Variants in KLHL20 observed in about 807,000 individuals in gnomAD.
KLHL20 encodes kelch like family member 20, also known as kelch-like protein 20.
A neutral mutation model predicts 69.5 loss-of-function variants in KLHL20; 29 were observed. That is an observed-to-expected ratio of 0.42 (90% confidence interval 0.31 to 0.57). KLHL20 has a LOEUF of 0.57. KLHL20 is among the 20% of genes least tolerant of loss of function. KLHL20 has a pLI of 0.18. For synonymous variants in KLHL20, 253 were observed against 265.2 expected, an observed-to-expected ratio of 0.95 and a Z score of 0.45; for missense variants, 419 against 776.0, an observed-to-expected ratio of 0.54 and a Z score of 5.47.
At chr1:173,784,092 AC>A (rs1220829779) in intron 11 of KLHL20, among the ~76,000 whole-genome samples, 1 of 152,168 alleles carries the variant, frequency 6.6e-6, no homozygotes, top group African/African-American at 2.4e-5. Context: ...ACAAAACAAA[AC>A]AACAAAAAAG....
At chr1:173,735,708 A>G (rs1672497928) in intron 3 of KLHL20, among the ~76,000 whole-genome samples, 1 of 152,090 alleles carries the variant, frequency 6.6e-6, no homozygotes, top group South Asian at 2.1e-4. Flanking sequence ...CCACCCGAGC[A>G]GTGTACACCG....
chr1:173,716,566 CTT>C (rs1367118485), intron 2 of KLHL20, among the ~76,000 whole-genome samples: 3 of 152,070 alleles, frequency 2.0e-5, no homozygotes, highest in Non-Finnish European at 4.4e-5. Flanking sequence ...GACATAATAA[CTT>C]AGTCCATAGA....
At chr1:173,725,050 CTGG>C (rs918133254) in intron 2 of KLHL20, among the ~76,000 whole-genome samples, 3 of 151,444 alleles carry the variant, frequency 2.0e-5, no homozygotes, top group Non-Finnish European at 2.9e-5. Context: ...TGATATTTCA[CTGG>C]TGAAGTTTTT....
intron 10 of KLHL20, among the ~76,000 whole-genome samples, chr1:173,777,580 G>C (rs1444119440): frequency 6.6e-6 from 1 of 152,134 alleles, no homozygotes; most frequent in African/African-American, 2.4e-5. Flanking sequence ...GTTGAGGTAT[G>C]TTCCCTCTGT....
At chr1:173,743,102 G>T (rs574472620) in intron 3 of KLHL20, among the ~76,000 whole-genome samples, 8 of 126,074 alleles carry the variant, frequency 6.3e-5, no homozygotes, top group Non-Finnish European at 1.1e-4. Context: ...TAAGCATAGG[G>T]TATAATAAGG....
At chr1:173,721,715 G>T (rs1391791756) in intron 2 of KLHL20, among the ~76,000 whole-genome samples, 4 of 152,208 alleles carry the variant, frequency 2.6e-5, no homozygotes, top group African/African-American at 9.6e-5. Context: ...AAATAAAGAG[G>T]TTAATAGCTT....
chr1:173,760,641 T>G (rs1044592282), intron 7 of KLHL20, among the ~76,000 whole-genome samples: 18 of 152,210 alleles, frequency 1.2e-4, no homozygotes, highest in African/African-American at 4.3e-4. Flanking sequence ...GAACGAAAGA[T>G]AAGCCGTTTT....
rs1483770673 is a variant in KLHL20, at chr1:173,751,748, A to T, written c.598-16A>T. On this transcript the variant is annotated splice_polypyrimidine_tract_variant and intron_variant, in intron 3 of 11. Transcript: ENST00000209884. ...GATCACAGGATTTTTTTTTCTTCTT[A>T]CCTAACTTTGAACAGGTAATGGAGA... 5 of 1,609,238 alleles carry T rather than the reference A, an allele frequency of 3.1e-6. No homozygotes were observed. In the Admixed American group the frequency reaches 5.1e-5, roughly 16 times the overall value.
intron 4 of KLHL20, 46 bp from the exon 5 acceptor site, chr1:173,753,167 A>C (rs201727987): frequency 0.011 from 10,528 of 976,792 alleles, no homozygotes; most frequent in Non-Finnish European, 0.015. Flanking sequence ...AGTAAGACCT[A>C]TCTCAAAATT....
In KLHL20 at chr1:173,774,247, T is replaced by A. The variant is rs1648301829; in HGVS notation, c.1296-58T>A. 5.0e-6 allele frequency: 8 copies of A among 1,606,426 alleles called. No homozygotes were observed. In the South Asian group the frequency reaches 8.8e-5, roughly 18 times the overall value. On this transcript the variant is annotated intron_variant, in intron 8 of 11. Coordinates refer to ENST00000209884, the MANE Select transcript of KLHL20 (RefSeq NM_014458.4). Reference sequence around the variant, plus strand: ...ATATCGTTAGTGTGATTTCAGATCTTATGAAAAAGGCTTCACTTAATAAGA... The same window carrying A: ...ATATCGTTAGTGTGATTTCAGATCTAATGAAAAAGGCTTCACTTAATAAGA...
At chr1:173,748,928 T>G (rs889633622) in intron 3 of KLHL20, among the ~76,000 whole-genome samples, 1 of 152,132 alleles carries the variant, frequency 6.6e-6, no homozygotes, top group Non-Finnish European at 1.5e-5. Context: ...GTTTCAGATC[T>G]AAGATATTCA....
intron 2 of KLHL20, among the ~76,000 whole-genome samples, chr1:173,719,973 G>A (rs1057396420): frequency 6.6e-6 from 1 of 152,024 alleles, no homozygotes; most frequent in Non-Finnish European, 1.5e-5. Context: ...TACAGTATTG[G>A]CGTGGTACAG....
chr1:173,766,295 C>CT lies in KLHL20; in HGVS notation c.1295+14dup, dbSNP rs751142097. The CT allele has an allele frequency of 2.9e-5, 46 of 1,568,032 alleles. No homozygotes were observed. Among genetic ancestry groups the CT allele is most frequent in the Admixed American group, 1.0e-4 (5 of 48,494 alleles). On this transcript the variant is annotated splice_region_variant and intron_variant, in intron 8 of 11. Coordinates refer to ENST00000209884, the MANE Select transcript of KLHL20 (RefSeq NM_014458.4). ...TGCCTCAACATTGTTGAGAGGTGAT[C>CT]TTTTTTTTAAGTCATTTTCCGTATT...
chr1:173,733,900 G>T lies in KLHL20; in HGVS notation c.211G>T (p.Val71Leu), dbSNP rs1183035759. Residue 71 changes from valine to leucine, a missense_variant, in exon 3 of 12, where the codon GTG becomes TTG. Physicochemically the swap from Val to Leu is conservative, Grantham distance 32. Transcript: ENST00000209884. ...AAAGCACCGGGAGCTATGTGATGTG[G>T]TGCTAGTTGTGGGCGCCAAGAAGAT... is the stretch of plus-strand genomic sequence containing the variant. ...LRKHRELCDV[V>L]LVVGAKKIYA... 1.2e-6 allele frequency: 2 copies of T among 1,614,028 alleles called. No homozygotes were observed. The highest frequency in any genetic ancestry group is 2.7e-5 in the African/African-American group (2 of 74,914).
At chr1:173,722,922 T>C (rs1671780839) in intron 2 of KLHL20, among the ~76,000 whole-genome samples, 1 of 152,136 alleles carries the variant, frequency 6.6e-6, no homozygotes, top group African/African-American at 2.4e-5. Flanking sequence ...ACTTCTGACC[T>C]CAGGTGATCC....
intron 8 of KLHL20, among the ~76,000 whole-genome samples, chr1:173,768,230 G>A (rs988879269): frequency 6.6e-6 from 1 of 152,144 alleles, no homozygotes; most frequent in East Asian, 1.9e-4. Flanking sequence ...GGCTGCCATA[G>A]TCACTTTATA....
chr1:173,760,575 A>C (rs1673755227), intron 7 of KLHL20, among the ~76,000 whole-genome samples: 1 of 152,202 alleles, frequency 6.6e-6, no homozygotes, highest in African/African-American at 2.4e-5. Context: ...AGCCTCCTCA[A>C]ACAAAACAAT....
At chr1:173,767,603 T>G (rs1204374009) in intron 8 of KLHL20, among the ~76,000 whole-genome samples, 1 of 152,216 alleles carries the variant, frequency 6.6e-6, no homozygotes, top group Non-Finnish European at 1.5e-5. Flanking sequence ...ACATGGTATT[T>G]CATTGTGATT....
chr1:173,731,554 C>T (rs1672280270), intron 2 of KLHL20, among the ~76,000 whole-genome samples: 1 of 152,160 alleles, frequency 6.6e-6, no homozygotes, highest in Non-Finnish European at 1.5e-5. Context: ...ATGATGATTT[C>T]ATGTCCTTTG....
Sources: gnomAD v4.1 joint callset for allele counts (sites outside exome capture counted in the v4.1 genomes callset) on GRCh38, gnomAD v4.1.1 for gene constraint, MANE v1.5 for transcripts, NCBI Gene and HGNC (gene_info 2026-07-23, HGNC 2026-07-21) for gene names.